The following CPA4 variants were observed in gnomAD, a reference collection of about 807,000 sequenced individuals.
CPA4 encodes carboxypeptidase A3.
In CPA4, 49 loss-of-function variants were observed where a neutral mutation model predicts 54.7. The ratio of observed to expected loss-of-function variants is 0.90; its 90% CI spans 0.71 to 1.14. The LOEUF is 1.14. Among genes scored for constraint, CPA4 ranks in the 50% most tolerant of loss-of-function variants. The pLI is 0.00. For missense variants in CPA4, 487 were observed against 525.1 expected, an observed-to-expected ratio of 0.93 and a Z score of 0.71; for synonymous variants, 215 against 206.8, an observed-to-expected ratio of 1.04 and a Z score of -0.34.
At position 130,319,890 on chromosome 7, in the gene CPA4, G is replaced by A. The variant is rs934456423; in HGVS notation, c.1079-2599G>A. Among the ~76,000 whole-genome samples, 3 of 152,254 alleles carry A rather than the reference G, an allele frequency of 2.0e-5. No individual in the cohort carries two copies. In the East Asian group the frequency reaches 5.8e-4, roughly 29 times the overall value. On this transcript the variant is annotated intron_variant, in intron 10 of 10. Transcript: ENST00000222482. The stretch of plus-strand genomic sequence containing the variant: ...GTTTAAGACAATTGCATTTCTTTTG[G>A]AAAGATGCTTTCTTGGTCAGATGAG...
At chr7:130,298,137 G>A (rs1367872372) in intron 1 of CPA4, among the ~76,000 whole-genome samples, 1 of 152,148 alleles carries the variant, frequency 6.6e-6, no homozygotes, top group Non-Finnish European at 1.5e-5. Flanking sequence ...AGCTGGAAGG[G>A]ACTGAGCGAG....
In CPA4 at chr7:130,315,819, G is replaced by T. The variant is rs764679513; in HGVS notation, c.1078+3697G>T. On this transcript the variant is annotated intron_variant, in intron 10 of 10. Transcript: ENST00000222482. ...GGGTTTAGTGTTGGAATAAGGTGAC[G>T]CTTTGTGGCAAATAGAGCATTGATG... 3.3e-5 allele frequency among the ~76,000 whole-genome samples: 5 copies of T among 152,278 alleles called. No individual in the cohort carries two copies. The South Asian group carries it at 1.0e-3, about 32-fold the overall frequency.
At chr7:130,305,663 C>T (rs1460585954) in intron 5 of CPA4, among the ~76,000 whole-genome samples, 153 bp from the exon 6 acceptor site, 4 of 152,168 alleles carry the variant, frequency 2.6e-5, no homozygotes, top group Admixed American at 6.5e-5. Flanking sequence ...TTCCAAGTCA[C>T]GGATAAGCTC....
chr7:130,297,999 GCCGGC>G (rs1338979372), intron 1 of CPA4, among the ~76,000 whole-genome samples: 1 of 152,182 alleles, frequency 6.6e-6, no homozygotes, highest in Admixed American at 6.5e-5. Flanking sequence ...ACTGAGACTG[GCCGGC>G]CCCGTCTGTG....
chr7:130,308,248 C>T (rs1371729179), intron 7 of CPA4, 59 bp from the exon 8 acceptor site: 2 of 1,431,806 alleles, frequency 1.4e-6, no homozygotes, highest in African/African-American at 2.8e-5. Flanking sequence ...CCACCCTAGC[C>T]CTCTTCGGTG....
At chr7:130,294,806 G>A (rs977049612) in intron 1 of CPA4, among the ~76,000 whole-genome samples, 4 of 152,182 alleles carry the variant, frequency 2.6e-5, no homozygotes, top group Non-Finnish European at 4.4e-5. Flanking sequence ...CTCTCTAGAG[G>A]TGTCCCAGAC....
chr7:130,317,385 C>G (rs976232806), intron 10 of CPA4, among the ~76,000 whole-genome samples: 1 of 152,186 alleles, frequency 6.6e-6, no homozygotes, highest in Non-Finnish European at 1.5e-5. Context: ...GAAAACATAC[C>G]TCCATTGTGA....
intron 5 of CPA4, among the ~76,000 whole-genome samples, chr7:130,305,066 G>A (rs1793798739): frequency 6.6e-6 from 1 of 152,002 alleles, no homozygotes; most frequent in Non-Finnish European, 1.5e-5. Context: ...TTGGCAAAGA[G>A]GTAGAGAGCT....
intron 10 of CPA4, among the ~76,000 whole-genome samples, chr7:130,312,816 G>A (rs1314768014): frequency 2.6e-5 from 4 of 152,076 alleles, no homozygotes; most frequent in African/African-American, 7.2e-5. Context: ...GGAGCTTATC[G>A]CAGGCTCAGA....
intron 3 of CPA4, 68 bp from the exon 4 acceptor site, chr7:130,300,748 A>G (rs1469475576): frequency 9.1e-7 from 1 of 1,093,148 alleles, no homozygotes; most frequent in Non-Finnish European, 1.4e-6. Context: ...ATATGCAAAG[A>G]TATGGCAGAA....
intron 8 of CPA4, among the ~76,000 whole-genome samples, chr7:130,308,724 T>C (rs1305573546): frequency 7.6e-6 from 1 of 131,818 alleles, no homozygotes; most frequent in Non-Finnish European, 1.5e-5. Flanking sequence ...CGCCCGGCTA[T>C]TTTTTTTCAG....
chr7:130,309,410 G>A (rs1450801582), intron 8 of CPA4, among the ~76,000 whole-genome samples: 1 of 152,130 alleles, frequency 6.6e-6, no homozygotes, highest in Non-Finnish European at 1.5e-5. Context: ...CACCCCAAAG[G>A]GCAAGACTGT....
At chr7:130,298,658 G>C (rs544412238) in intron 1 of CPA4, 88 bp from the exon 2 acceptor site, 1 of 794,726 alleles carries the variant, frequency 1.3e-6, no homozygotes. Flanking sequence ...GCCTGGTTAC[G>C]TCTGGGATAG....
In CPA4 at chr7:130,321,141, G is replaced by A. The variant is rs1391014243; in HGVS notation, c.1079-1348G>A. On this transcript the variant is annotated intron_variant, in intron 10 of 10. Coordinates refer to ENST00000222482, the MANE Select transcript of CPA4 (RefSeq NM_016352.4). ...GCCTAGGAGGTCAAGGCTGCAGTAA[G>A]CTGTGATTATGCCACTGCACTCCAG... Among the ~76,000 whole-genome samples, 7 of 152,204 alleles carry A rather than the reference G, an allele frequency of 4.6e-5. No individual in the cohort carries two copies. The East Asian group carries it at 1.3e-3, about 29-fold the overall frequency.
chr7:130,300,857 A>C lies in CPA4; in HGVS notation c.327A>C (p.Glu109Asp). The C allele has an allele frequency of 6.2e-7, 1 of 1,614,080 alleles. No homozygotes were observed. Among genetic ancestry groups the C allele is most frequent in the African/African-American group, 1.3e-5 (1 of 75,054 alleles). The change falls in exon 4 of 11, where the codon GAA becomes GAC. Residue 109 changes from glutamate to aspartate, a missense_variant. Glu to Asp is a conservative substitution (Grantham distance 45, BLOSUM62 2). Transcript: ENST00000222482. ...DNEDDEMQHN[E>D]GQERSSNNFN... Reference sequence around the variant, plus strand: ...AAGATGATGAAATGCAACACAATGAAGGGCAAGAACGGAGCAGTAATAACT... The same window carrying C: ...AAGATGATGAAATGCAACACAATGACGGGCAAGAACGGAGCAGTAATAACT...
chr7:130,316,666 G>A (rs1793991389), intron 10 of CPA4, among the ~76,000 whole-genome samples: 2 of 152,132 alleles, frequency 1.3e-5, no homozygotes, highest in Admixed American at 6.6e-5. Flanking sequence ...GGCTGGGCGC[G>A]TTGGCTCACG....
chr7:130,296,296 C>T (rs1278528666), intron 1 of CPA4, among the ~76,000 whole-genome samples: 1 of 152,184 alleles, frequency 6.6e-6, no homozygotes. Flanking sequence ...TCTGCCCTGC[C>T]GCTTTGCATG....
Position 130,312,986 on chromosome 7 carries a change from G to A in CPA4, c.1078+864G>A, listed in dbSNP as rs147406162. 6.3e-3 allele frequency among the ~76,000 whole-genome samples: 959 copies of A among 152,234 alleles called. 13 individuals are homozygous for A. The highest frequency in any genetic ancestry group is 0.022 in the African/African-American group (917 of 41,528). On this transcript the variant is annotated intron_variant, in intron 10 of 10. Coordinates refer to ENST00000222482, the MANE Select transcript of CPA4 (RefSeq NM_016352.4). ...GACATTACCCACTAGGCTGATGTTT[G>A]GGGCTAGTTTTTAATCAAGGGGAAC...
At chr7:130,312,218 A>C in intron 10 of CPA4, 96 bp downstream of exon 10, 10 of 878,210 alleles carry the variant, frequency 1.1e-5, no homozygotes, top group Non-Finnish European at 1.9e-5. Context: ...CTTACTTGTC[A>C]TCTGATTGTT....
Sources: gnomAD v4.1 joint callset for allele counts (sites outside exome capture counted in the v4.1 genomes callset) on GRCh38, gnomAD v4.1.1 for gene constraint, MANE v1.5 for transcripts, NCBI Gene and HGNC (gene_info 2026-07-23, HGNC 2026-07-21) for gene names.